HEPACAM2: variants seen among roughly 807,000 people sequenced by gnomAD.
The protein encoded by HEPACAM2 is mitotic kinetics regulator.
In HEPACAM2, 49 loss-of-function variants were observed where a neutral mutation model predicts 49.6. That is an observed-to-expected ratio of 0.99 (90% CI 0.78 to 1.25). HEPACAM2 has a LOEUF of 1.25. Among genes scored for constraint, HEPACAM2 ranks in the 50% most tolerant of loss-of-function variants. The pLI is 0.00. For missense variants in HEPACAM2, 525 were observed against 557.2 expected (o/e 0.94, Z 0.58); for synonymous variants, 197 against 202.9 (o/e 0.97, Z 0.25).
At chr7:93,212,647 TTC>T (rs963790150) in intron 3 of HEPACAM2, among the ~76,000 whole-genome samples, 8 of 151,994 alleles carry the variant, frequency 5.3e-5, no homozygotes, top group Non-Finnish European at 1.0e-4. Context: ...ATGCATCTTT[TTC>T]TCTCTCTCTT....
At chr7:93,229,334 C>A (rs1794588898), upstream of HEPACAM2, among the ~76,000 whole-genome samples, 1 of 152,196 alleles carries the variant, frequency 6.6e-6, no homozygotes, top group South Asian at 2.1e-4. Flanking sequence ...GCAGTAATGT[C>A]TTCTTCCTGG....
At chr7:93,217,872 GTGTC>G (rs1053454908) in intron 2 of HEPACAM2, among the ~76,000 whole-genome samples, 7 of 133,514 alleles carry the variant, frequency 5.2e-5, no homozygotes, top group African/African-American at 1.5e-4. Flanking sequence ...CTGAGCATGT[GTGTC>G]TGTGTGTGTG....
chr7:93,229,102 T>C (rs1262937685), upstream of HEPACAM2, among the ~76,000 whole-genome samples: 4 of 152,166 alleles, frequency 2.6e-5, no homozygotes, highest in Non-Finnish European at 5.9e-5. Context: ...GGTGGTGAAA[T>C]GCCAAGGTCA....
In HEPACAM2 at chr7:93,188,932, T is replaced by C; in HGVS notation, c.*335A>G. ...CTCAGTGTTGATGATAGTGAAAGTG[T>C]AGAGTAGAACTAATTGAGGTTTGTA... On this transcript the variant is annotated 3_prime_UTR_variant, in exon 10 of 10. Coordinates refer to ENST00000394468, the MANE Select transcript of HEPACAM2 (RefSeq NM_001039372.4). 1 of 412,418 alleles carries C rather than the reference T, an allele frequency of 2.4e-6. No homozygotes were observed. The allele number at this position is 412,418 out of a possible 1,614,324, so 25.5% of individuals were successfully genotyped here. A position where few individuals can be genotyped will look rare whatever the true frequency, so the allele number is the denominator to read the frequency against.
chr7:93,200,631 G>GA (rs1488783507), intron 4 of HEPACAM2, among the ~76,000 whole-genome samples: 6 of 152,046 alleles, frequency 3.9e-5, no homozygotes, highest in African/African-American at 1.2e-4. Context: ...TTAAATCAAG[G>GA]AATAAATGTT....
intron 3 of HEPACAM2, among the ~76,000 whole-genome samples, chr7:93,214,855 A>AT (rs1290151111): frequency 6.6e-6 from 1 of 152,180 alleles, no homozygotes; most frequent in Non-Finnish European, 1.5e-5. Context: ...GCATTTGCCT[A>AT]TAATTGCTTA....
Position 93,211,594 on chromosome 7 carries a change from T to C in HEPACAM2, c.716-2718A>G, listed in dbSNP as rs1449815288. On this transcript the variant is annotated intron_variant, in intron 3 of 9. Transcript: ENST00000394468. ...TATGAGTCTAGGCATAGTGAAGACA[T>C]CTGAGACGTTGACCACATACTATGT... 2.0e-5 allele frequency among the ~76,000 whole-genome samples: 3 copies of C among 152,044 alleles called. No homozygotes were observed. In the East Asian group the frequency reaches 5.8e-4, roughly 29 times the overall value.
At chr7:93,231,025 C>G (rs1794617881), upstream of HEPACAM2, among the ~76,000 whole-genome samples, 4 of 152,280 alleles carry the variant, frequency 2.6e-5, no homozygotes, top group Middle Eastern at 0.01. Context: ...TAAAATATTA[C>G]AACCTCATTT....
intron 2 of HEPACAM2, among the ~76,000 whole-genome samples, 177 bp from the exon 3 acceptor site, chr7:93,215,862 C>CA (rs1467465460): frequency 2.5e-4 from 38 of 152,044 alleles, no homozygotes; most frequent in African/African-American, 8.0e-4. Flanking sequence ...AGGGAAAATG[C>CA]AAAATGACAA....
chr7:93,208,048 A>T (rs954032845), intron 4 of HEPACAM2, among the ~76,000 whole-genome samples: 1 of 152,072 alleles, frequency 6.6e-6, no homozygotes, highest in African/African-American at 2.4e-5. Flanking sequence ...GAGAAAGCCA[A>T]ATTTCACAGA....
chr7:93,225,368 C>T lies in HEPACAM2; in HGVS notation c.79+1000G>A, dbSNP rs548085377. Among the ~76,000 whole-genome samples, 52 of 152,056 alleles carry T rather than the reference C, an allele frequency of 3.4e-4. 1 individual carries two copies. The highest frequency in any genetic ancestry group is 1.2e-3 in the African/African-American group (50 of 41,520). Reference sequence around the variant, plus strand: ...ATCACAACTCTGGGAAACTCAAAGACTTAAAAAAATTTACAAACTGTACAT... The same window carrying T: ...ATCACAACTCTGGGAAACTCAAAGATTTAAAAAAATTTACAAACTGTACAT... On this transcript the variant is annotated intron_variant, in intron 1 of 9. Coordinates refer to ENST00000394468, the MANE Select transcript of HEPACAM2 (RefSeq NM_001039372.4).
intron 8 of HEPACAM2, 48 bp from the exon 9 acceptor site, chr7:93,192,411 T>C (rs758940106): frequency 7.2e-7 from 1 of 1,386,026 alleles, no homozygotes; most frequent in South Asian, 1.2e-5. Flanking sequence ...GACTAGTAAA[T>C]AGTTTTTCCA....
At chr7:93,226,262 A>G in intron 1 of HEPACAM2, 106 bp downstream of exon 1, 1 of 757,174 alleles carries the variant, frequency 1.3e-6, no homozygotes, top group Non-Finnish European at 2.2e-6. Flanking sequence ...CTGCTCTTCA[A>G]TTATCTGAAT....
At chr7:93,207,871 T>A (rs1183161695) in intron 4 of HEPACAM2, among the ~76,000 whole-genome samples, 6 of 151,858 alleles carry the variant, frequency 4.0e-5, no homozygotes, top group Non-Finnish European at 1.5e-5. Context: ...CATGAAGACA[T>A]GGAAATGAAT....
intron 4 of HEPACAM2, among the ~76,000 whole-genome samples, chr7:93,207,354 C>T (rs1454660995): frequency 1.3e-5 from 2 of 151,926 alleles, no homozygotes; most frequent in Non-Finnish European, 2.9e-5. Context: ...AGATTTTGCC[C>T]AAGTGGCATT....
At chr7:93,226,518 G>C, upstream of HEPACAM2, 1 of 1,136,636 alleles carries the variant, frequency 8.8e-7, no homozygotes, top group Non-Finnish European at 1.3e-6. Context: ...GAAATTAGCA[G>C]TGAGGTAACA....
Position 93,226,030 on chromosome 7 carries a change from A to G in HEPACAM2, c.79+338T>C, listed in dbSNP as rs192670391. 2.7e-5 allele frequency: 17 copies of G among 628,078 alleles called. No individual in the cohort carries two copies. In the African/African-American group the frequency reaches 3.1e-4, roughly 12 times the overall value. The allele number at this position is 628,078 out of a possible 1,614,324, so 38.9% of individuals were successfully genotyped here. ...TGGTCACAATTTCATGGCCTATTAG[A>G]ATATTTGCTGAAATAAATGCATTAA... On this transcript the variant is annotated intron_variant, in intron 1 of 9. Transcript: ENST00000394468.
upstream of HEPACAM2, among the ~76,000 whole-genome samples, chr7:93,229,882 A>T (rs1190505135): frequency 6.6e-6 from 1 of 152,248 alleles, no homozygotes; most frequent in African/African-American, 2.4e-5. Context: ...GACAGATAGA[A>T]ATGAATAACG....
At chr7:93,226,937 A>C (rs1343258378), upstream of HEPACAM2, among the ~76,000 whole-genome samples, 1 of 152,222 alleles carries the variant, frequency 6.6e-6, no homozygotes, top group East Asian at 1.9e-4. Context: ...ACATGTAAAA[A>C]TTCTACCAAT....
Sources: allele counts gnomAD v4.1 joint callset (sites outside exome capture counted in the v4.1 genomes callset), GRCh38; gene constraint gnomAD v4.1.1; transcripts MANE v1.5; gene names NCBI Gene and HGNC (gene_info 2026-07-23, HGNC 2026-07-21).